Variants in CIBAR1 observed in about 807,000 individuals in gnomAD.
The protein encoded by CIBAR1 is CBY1 interacting BAR domain containing 1, also known as CBY1-interacting BAR domain-containing protein 1.
Under a neutral mutation model 44.0 loss-of-function variants are expected in CIBAR1, and 25 were observed. That is an observed-to-expected ratio of 0.57 (90% confidence interval 0.41 to 0.79). The LOEUF is 0.79. CIBAR1 is among the 30% of genes least tolerant of loss of function. The pLI, the probability that CIBAR1 is intolerant of heterozygous loss-of-function variation, is 0.00. For missense variants in CIBAR1, 278 were observed against 344.8 expected (o/e 0.81, Z 1.53); for synonymous variants, 115 against 119.0 (o/e 0.97, Z 0.22).
rs775881725 is a variant in CIBAR1, at chr8:93,704,963, CAGTT to C, written c.388_391del (p.Leu130LysfsTer47). On this transcript the variant is annotated frameshift_variant, in exon 4 of 9. Transcript: ENST00000518322. LOFTEE classifies it high-confidence loss of function. The stretch of plus-strand genomic sequence containing the variant: ...GAATCGAGAAGCTAAGCAATTAACT[CAGTT>C]AGAAAGAACACGTCAGCGAAACCCA... 35 of 1,612,516 alleles carry C rather than the reference CAGTT, an allele frequency of 2.2e-5. No homozygotes were observed. The highest frequency in any genetic ancestry group is 8.8e-5 in the South Asian group (8 of 90,768).
rs1244725501 is a variant in CIBAR1, at chr8:93,731,194, C to G, written c.*2897C>G. On this transcript the variant is annotated 3_prime_UTR_variant, in exon 9 of 9. Transcript: ENST00000518322. ...TAAAACTACAAAGCTTATGTTTACT[C>G]TAGCTGGCCTCTTATCTACCACCAC... is the stretch of plus-strand genomic sequence containing the variant. 3 of 152,170 alleles carry G rather than the reference C, an allele frequency of 2.0e-5. No homozygotes were observed. The highest frequency in any genetic ancestry group is 7.2e-5 in the African/African-American group (3 of 41,442). 9.4% of individuals were successfully genotyped at this position (152,170 alleles called of 1,614,324 possible). A position where few individuals can be genotyped will look rare whatever the true frequency, so the allele number is the denominator to read the frequency against.
At chr8:93,703,393 C>T (rs1446607734) in intron 2 of CIBAR1, among the ~76,000 whole-genome samples, 1 of 152,078 alleles carries the variant, frequency 6.6e-6, no homozygotes, top group Non-Finnish European at 1.5e-5. Flanking sequence ...AAAAAGTAAT[C>T]CTAAGATGAT....
chr8:93,724,647 A>C (rs1224492357), intron 7 of CIBAR1: 1 of 1,187,782 alleles, frequency 8.4e-7, no homozygotes, highest in Non-Finnish European at 1.1e-6. Context: ...TTCTAGGTAA[A>C]AGATAATGTC....
chr8:93,724,665 G>T, intron 7 of CIBAR1: 1 of 1,172,330 alleles, frequency 8.5e-7, no homozygotes, highest in Non-Finnish European at 1.1e-6. Context: ...GTCTTTCATT[G>T]TAATAGCTAA....
At chr8:93,712,098 T>C (rs1232947130) in intron 6 of CIBAR1, among the ~76,000 whole-genome samples, 4 of 152,218 alleles carry the variant, frequency 2.6e-5, no homozygotes, top group Admixed American at 2.6e-4. Context: ...ACTTACACTT[T>C]AAAAACATTG....
At chr8:93,702,053 C>T in intron 2 of CIBAR1, 1 of 232,194 alleles carries the variant, frequency 4.3e-6, no homozygotes, top group African/African-American at 2.3e-5. Context: ...CATATTTTTC[C>T]TTTAAATACT....
At position 93,718,693 on chromosome 8, in the gene CIBAR1, A is replaced by G. The variant is rs1327033996; in HGVS notation, c.562A>G (p.Ile188Val). The G allele has an allele frequency of 6.5e-7, 1 of 1,546,478 alleles. No homozygotes were observed. Among genetic ancestry groups the G allele is most frequent in the African/African-American group, 1.4e-5 (1 of 73,402 alleles). The change falls in exon 7 of 9, where the codon ATC becomes GTC. Residue 188 changes from isoleucine to valine, a missense_variant. Ile to Val is a conservative substitution (Grantham distance 29). Transcript: ENST00000518322. ...TTTTTAGACTATATTTTCTGAATTT[A>G]TCACAATCGAAATGTTATTTCACGG... is the stretch of plus-strand genomic sequence containing the variant. ...KDIKTIFSEF[I>V]TIEMLFHGKA...
In CIBAR1 at chr8:93,700,662, C is replaced by T; in HGVS notation, c.15C>T (p.Thr5=). 1.3e-6 allele frequency: 2 copies of T among 1,504,340 alleles called. No individual in the cohort carries two copies. The highest frequency in any genetic ancestry group is 1.3e-5 in the South Asian group (1 of 79,464). The allele number at this position is 1,504,340 out of a possible 1,614,324, so 93.2% of individuals were successfully genotyped here. Residue 5 remains threonine, a synonymous_variant, in exon 1 of 9, where the codon ACC becomes ACT. Transcript: ENST00000518322. ...CGCGAGGCAGCATGATGAGGCGCAC[C>T]CTGGAAAACCGGTAACAGCCCGAGC... The part of the protein sequence containing the change: MMRR[T]LENRNAQTKQ...
Position 93,722,513 on chromosome 8 carries a change from A to G in CIBAR1, c.657+3725A>G, listed in dbSNP as rs958101379. On this transcript the variant is annotated intron_variant, in intron 7 of 8. Transcript: ENST00000518322. ...GGAGTTCGAGACCATCCTGGCCAACATGATGAAACTCTGTCTCTACTAAAG... is the reference window on the plus strand; with the variant it reads ...GGAGTTCGAGACCATCCTGGCCAACGTGATGAAACTCTGTCTCTACTAAAG... Among the ~76,000 whole-genome samples the G allele has an allele frequency of 5.3e-5, 8 of 152,280 alleles. No individual in the cohort carries two copies. The East Asian group carries it at 1.5e-3, about 29-fold the overall frequency.
chr8:93,701,388 C>G lies in CIBAR1; in HGVS notation c.191C>G (p.Pro64Arg), dbSNP rs1412989601. ...AACGCGTATGCTGCTACAGAGACCC[C>G]GCATTTAAAGCTGGGCCTGATGAAC... The part of the protein sequence containing the change: ...EINAYAATET[P>R]HLKLGLMNFA... The change falls in exon 2 of 9, where the codon CCG (proline) becomes CGG (arginine). Residue 64 changes from proline to arginine, a missense_variant. Physicochemically the swap from Pro to Arg is moderately radical, Grantham distance 103. Transcript: ENST00000518322. 1 of 1,613,700 alleles carries G rather than the reference C, an allele frequency of 6.2e-7. No homozygotes were observed.
At chr8:93,705,317 A>G (rs1810537361) in intron 4 of CIBAR1, 1 of 353,778 alleles carries the variant, frequency 2.8e-6, no homozygotes, top group Non-Finnish European at 5.0e-6. Context: ...CTAAATATTA[A>G]TTCTACAATT....
intron 4 of CIBAR1, 64 bp downstream of exon 4, chr8:93,705,074 A>G (rs1219485752): frequency 2.9e-6 from 3 of 1,046,904 alleles, no homozygotes; most frequent in East Asian, 2.4e-5. Flanking sequence ...GTAAATGTAT[A>G]TAGAAATTGT....
chr8:93,724,498 T>C (rs1191489872), intron 7 of CIBAR1: 1 of 687,364 alleles, frequency 1.5e-6, no homozygotes, highest in Non-Finnish European at 2.3e-6. Flanking sequence ...CTAATTTTCA[T>C]ATTTTTTGTA....
intron 6 of CIBAR1, among the ~76,000 whole-genome samples, chr8:93,717,215 T>C (rs1280756369): frequency 1.3e-5 from 2 of 152,216 alleles, no homozygotes; most frequent in Admixed American, 6.5e-5. Flanking sequence ...CAGTTTTCCC[T>C]CTAGGAGTTT....
chr8:93,723,883 G>T (rs555539923), intron 7 of CIBAR1, among the ~76,000 whole-genome samples: 44 of 152,118 alleles, frequency 2.9e-4, no homozygotes, highest in Non-Finnish European at 5.1e-4. Context: ...GCATTGCAAA[G>T]GCATAGTATA....
At chr8:93,716,102 G>A (rs757386550) in intron 6 of CIBAR1, 2 of 152,238 alleles carry the variant, frequency 1.3e-5, no homozygotes, top group African/African-American at 2.4e-5. Context: ...GTAGTATGGT[G>A]GCATGATCTT....
At chr8:93,727,069 C>G in intron 8 of CIBAR1, 1 of 570,864 alleles carries the variant, frequency 1.8e-6, no homozygotes, top group Middle Eastern at 3.0e-4. Flanking sequence ...TAAATAACAA[C>G]TGTTAAGTAA....
chr8:93,711,043 T>C (rs1309344420), intron 6 of CIBAR1, among the ~76,000 whole-genome samples: 3 of 152,198 alleles, frequency 2.0e-5, no homozygotes, highest in Admixed American at 6.6e-5. Context: ...TAAATTTGCA[T>C]CTACTATGAT....
chr8:93,723,035 C>T lies in CIBAR1; in HGVS notation c.658-3359C>T, dbSNP rs145663475. 1.6e-3 allele frequency among the ~76,000 whole-genome samples: 250 copies of T among 152,276 alleles called. 2 individuals carry two copies. The East Asian group carries it at 0.017, about 10-fold the overall frequency. On this transcript the variant is annotated intron_variant, in intron 7 of 8. Transcript: ENST00000518322. ...TTTTTGAGACGGAGTCTCGCTCTGT[C>T]GCCCAGGCTGGAGTGCAGTGGCGCT...
Sources: gnomAD v4.1 joint callset for allele counts (sites outside exome capture counted in the v4.1 genomes callset) on GRCh38, gnomAD v4.1.1 for gene constraint, MANE v1.5 for transcripts, NCBI Gene and HGNC (gene_info 2026-07-23, HGNC 2026-07-21) for gene names.